AK5: variants seen among roughly 807,000 people sequenced by gnomAD.
AK5 encodes adenylate kinase isoenzyme 5.
A neutral mutation model predicts 69.5 loss-of-function variants in AK5; 27 were observed. The ratio of observed to expected loss-of-function variants is 0.39; its 90% confidence interval spans 0.29 to 0.54. The LOEUF (loss-of-function observed/expected upper bound fraction) is 0.54. Among genes scored for constraint, AK5 ranks in the 20% least tolerant of loss-of-function variants. AK5 has a pLI of 0.71. For synonymous variants in AK5, 260 were observed against 244.4 expected (o/e 1.06, Z -0.60); for missense variants, 531 against 700.4 (o/e 0.76, Z 2.73).
At chr1:77,391,521 A>C (rs983002528) in intron 6 of AK5, among the ~76,000 whole-genome samples, 12 of 132,482 alleles carry the variant, frequency 9.1e-5, no homozygotes, top group Admixed American at 3.9e-4. Context: ...ATATATATAT[A>C]TATATATCTC....
At chr1:77,375,056 T>C (rs565194888) in intron 6 of AK5, among the ~76,000 whole-genome samples, 1 of 152,314 alleles carries the variant, frequency 6.6e-6, no homozygotes, top group South Asian at 2.1e-4. Flanking sequence ...ATTATCTCAT[T>C]TAGTCCTCTC....
chr1:77,372,681 G>A (rs1647141972), intron 6 of AK5, among the ~76,000 whole-genome samples: 1 of 152,106 alleles, frequency 6.6e-6, no homozygotes, highest in East Asian at 1.9e-4. Flanking sequence ...GTAGTATTGG[G>A]TAAAAGAGAC....
intron 5 of AK5, among the ~76,000 whole-genome samples, chr1:77,302,419 A>C (rs1659394743): frequency 6.6e-6 from 1 of 151,802 alleles, no homozygotes; most frequent in Non-Finnish European, 1.5e-5. Context: ...TTTTCTGTTC[A>C]TTTTTATAGA....
At chr1:77,327,510 C>T (rs1660866679) in intron 5 of AK5, among the ~76,000 whole-genome samples, 1 of 152,054 alleles carries the variant, frequency 6.6e-6, no homozygotes, top group African/African-American at 2.4e-5. Flanking sequence ...CATCGGCCAA[C>T]ATTATCGTCC....
chr1:77,363,656 C>G, intron 6 of AK5, among the ~76,000 whole-genome samples: 1 of 152,140 alleles, frequency 6.6e-6, no homozygotes, highest in East Asian at 1.9e-4. Context: ...TGTCCCCCCA[C>G]TGTTGTTAGA....
At chr1:77,500,014 C>T (rs139719396) in intron 10 of AK5, among the ~76,000 whole-genome samples, 40 of 151,736 alleles carry the variant, frequency 2.6e-4, no homozygotes, top group Admixed American at 2.2e-3. Flanking sequence ...TTACTTCCCC[C>T]CAAGTTCCTC....
chr1:77,331,774 G>C (rs1661098050), intron 5 of AK5, among the ~76,000 whole-genome samples: 1 of 152,096 alleles, frequency 6.6e-6, no homozygotes, highest in African/African-American at 2.4e-5. Flanking sequence ...GAAGGCTTTT[G>C]TTAGATTGGT....
At chr1:77,458,024 C>G (rs1653602324) in intron 8 of AK5, among the ~76,000 whole-genome samples, 1 of 150,912 alleles carries the variant, frequency 6.6e-6, no homozygotes, top group Non-Finnish European at 1.5e-5. Flanking sequence ...ATCACTGGAG[C>G]CTAGGAGTTA....
intron 2 of AK5, among the ~76,000 whole-genome samples, chr1:77,292,238 T>A (rs1658727139): frequency 6.6e-6 from 1 of 152,216 alleles, no homozygotes; most frequent in East Asian, 1.9e-4. Context: ...ACTGATTAAA[T>A]TTCAAGGCAG....
intron 7 of AK5, among the ~76,000 whole-genome samples, chr1:77,411,960 G>A (rs1025633587): frequency 1.3e-5 from 2 of 152,186 alleles, no homozygotes; most frequent in Non-Finnish European, 2.9e-5. Flanking sequence ...TTGGCCTATT[G>A]CAAGAAAGAT....
intron 5 of AK5, among the ~76,000 whole-genome samples, chr1:77,301,691 C>G (rs1311383333): frequency 6.6e-6 from 1 of 152,182 alleles, no homozygotes; most frequent in Non-Finnish European, 1.5e-5. Context: ...ACTCAGCCAC[C>G]TGGAAACTGA....
chr1:77,328,548 T>C (rs1320959197), intron 5 of AK5, among the ~76,000 whole-genome samples: 2 of 151,602 alleles, frequency 1.3e-5, no homozygotes, highest in Non-Finnish European at 2.9e-5. Context: ...TAAAGTCCTA[T>C]ATCTTGAGAG....
chr1:77,433,798 A>C (rs1475453012), intron 8 of AK5, among the ~76,000 whole-genome samples: 1 of 120,036 alleles, frequency 8.3e-6, no homozygotes, highest in Middle Eastern at 4.7e-3. Context: ...TTATCAGTTC[A>C]TTTAATTTCA....
chr1:77,297,903 G>A lies in AK5; in HGVS notation c.655G>A (p.Gly219Arg). The A allele has an allele frequency of 1.2e-6, 2 of 1,613,204 alleles. No homozygotes were observed. Among genetic ancestry groups the A allele is most frequent in the Non-Finnish European group, 1.7e-6 (2 of 1,179,652 alleles). Residue 219 changes from glycine (G) to arginine (R), a missense_variant, in exon 5 of 14, where the codon GGA (glycine) becomes AGA (arginine). By Grantham distance (125) the Gly-to-Arg change is moderately radical. Coordinates refer to ENST00000354567, the MANE Select transcript of AK5 (RefSeq NM_174858.3). The stretch of plus-strand genomic sequence containing the variant: ...TGATGAAGAGGGCATTGTTATTGAT[G>A]GATTTCCAAGAGATGTTGCCCAGGC... ...IPDEEGIVID[G>R]FPRDVAQALS...
At chr1:77,344,574 A>G (rs1284132056) in intron 6 of AK5, among the ~76,000 whole-genome samples, 2 of 152,164 alleles carry the variant, frequency 1.3e-5, no homozygotes, top group South Asian at 2.1e-4. Context: ...ATTTTGGAGC[A>G]CTTGGACTTG....
chr1:77,460,196 C>T (rs188861571), intron 8 of AK5, among the ~76,000 whole-genome samples: 1 of 152,118 alleles, frequency 6.6e-6, no homozygotes, highest in Admixed American at 6.5e-5. Flanking sequence ...GTGATTCAGA[C>T]CTCACAGAAT....
At chr1:77,376,435 AAAAAAAAAAAAAAAAC>A (rs1449407063) in intron 6 of AK5, among the ~76,000 whole-genome samples, 4 of 32,602 alleles carry the variant, frequency 1.2e-4, no homozygotes, top group Non-Finnish European at 2.2e-4. Context: ...CTCAATGCCA[AAAAAAAAAAAAAAAAC>A]AAAAAAAAAA....
chr1:77,372,713 G>A (rs1269095147), intron 6 of AK5, among the ~76,000 whole-genome samples: 2 of 152,092 alleles, frequency 1.3e-5, no homozygotes, highest in Non-Finnish European at 2.9e-5. Flanking sequence ...GTAGTCACCT[G>A]AATGTCACAA....
intron 8 of AK5, among the ~76,000 whole-genome samples, chr1:77,467,616 C>A (rs1654222385): frequency 6.6e-6 from 1 of 152,156 alleles, no homozygotes; most frequent in African/African-American, 2.4e-5. Flanking sequence ...ATGGCATAAT[C>A]TTCTTCGTAT....
Sources: allele counts gnomAD v4.1 joint callset (sites outside exome capture counted in the v4.1 genomes callset), GRCh38; gene constraint gnomAD v4.1.1; transcripts MANE v1.5; gene names NCBI Gene and HGNC (gene_info 2026-07-23, HGNC 2026-07-21).